KAZN: variants seen among roughly 807,000 people sequenced by gnomAD.
KAZN encodes the protein kazrin.
KAZN carries 40 observed loss-of-function variants against 87.4 expected under a neutral mutation model. The ratio of observed to expected loss-of-function variants is 0.46; its 90% CI spans 0.36 to 0.60. KAZN has a LOEUF of 0.60. Ranked by LOEUF, KAZN falls within the 20% of genes least tolerant of loss-of-function variation. KAZN has a pLI of 0.00. For missense variants in KAZN, 898 were observed against 1,073.9 expected (o/e 0.84, Z 2.29); for synonymous variants, 466 against 458.3 (o/e 1.02, Z -0.22).
chr1:14,659,151 T>C (rs566027499), intron 1 of KAZN, among the ~76,000 whole-genome samples: 4 of 152,198 alleles, frequency 2.6e-5, no homozygotes, highest in African/African-American at 9.6e-5. Context: ...AGCACAAGAA[T>C]TGCTTGAACC....
chr1:14,079,406 G>A (rs539228546), intron 1 of KAZN, among the ~76,000 whole-genome samples: 4 of 152,276 alleles, frequency 2.6e-5, no homozygotes, highest in South Asian at 2.1e-4. Flanking sequence ...CAGAACTCAC[G>A]TCAGAATCAT....
chr1:14,623,289 TA>T (rs965712788), intron 1 of KAZN, among the ~76,000 whole-genome samples: 1 of 152,108 alleles, frequency 6.6e-6, no homozygotes, highest in Non-Finnish European at 1.5e-5. Context: ...TATGCAGGCA[TA>T]AAAAAGAACA....
intron 1 of KAZN, among the ~76,000 whole-genome samples, chr1:14,076,288 A>T (rs763897572): frequency 6.6e-5 from 10 of 152,090 alleles, no homozygotes; most frequent in Non-Finnish European, 1.3e-4. Context: ...CTAAAAAAAA[A>T]AGGGAAAGGT....
At chr1:14,567,671 A>G (rs1674624654) in intron 2 of KAZN, among the ~76,000 whole-genome samples, 1 of 152,216 alleles carries the variant, frequency 6.6e-6, no homozygotes, top group African/African-American at 2.4e-5. Context: ...TAGTACTGTA[A>G]TTATCAAATG....
chr1:14,434,617 G>A (rs1666272441), intron 2 of KAZN, among the ~76,000 whole-genome samples: 1 of 152,182 alleles, frequency 6.6e-6, no homozygotes, highest in Non-Finnish European at 1.5e-5. Context: ...GCCCTGGGGA[G>A]CAGGAAGCAG....
intron 1 of KAZN, among the ~76,000 whole-genome samples, chr1:14,793,394 C>A (rs1645739506): frequency 6.6e-6 from 1 of 152,178 alleles, no homozygotes; most frequent in African/African-American, 2.4e-5. Context: ...GCAGCGCCTA[C>A]TCCATGCAGC....
At chr1:14,668,371 T>G (rs947877098) in intron 1 of KAZN, among the ~76,000 whole-genome samples, 2 of 152,098 alleles carry the variant, frequency 1.3e-5, no homozygotes, top group Admixed American at 6.6e-5. Context: ...TCCAGTCCTA[T>G]GTGAAGTGGC....
At chr1:14,884,215 A>G (rs1454728722) in intron 1 of KAZN, among the ~76,000 whole-genome samples, 1 of 152,110 alleles carries the variant, frequency 6.6e-6, no homozygotes, top group East Asian at 1.9e-4. Flanking sequence ...AACATGGTGG[A>G]ACCCCGTCTC....
intron 1 of KAZN, among the ~76,000 whole-genome samples, chr1:13,902,164 G>C (rs1244928266): frequency 6.6e-6 from 1 of 152,368 alleles, no homozygotes; most frequent in East Asian, 1.9e-4. Context: ...GATAATGGGG[G>C]CTGTTTTTGA....
upstream of KAZN, among the ~76,000 whole-genome samples, chr1:14,595,680 C>CAAAAAAAAAAAAAAAAAAA (rs34080804): frequency 2.1e-5 from 2 of 96,694 alleles, no homozygotes; most frequent in African/African-American, 9.0e-5. Context: ...GACTGCGTCT[C>CAAAAAAAAAAAAAAAAAAA]AAAAAAAAAA....
intron 2 of KAZN, among the ~76,000 whole-genome samples, chr1:14,217,314 TAATA>T (rs1450484476): frequency 2.6e-5 from 4 of 151,740 alleles, no homozygotes; most frequent in African/African-American, 9.7e-5. Flanking sequence ...ATTTAAAAAA[TAATA>T]AAGAGTAAAA....
intron 2 of KAZN, among the ~76,000 whole-genome samples, chr1:14,986,361 G>A (rs779140851): frequency 8.5e-5 from 13 of 152,148 alleles, no homozygotes; most frequent in African/African-American, 2.4e-4. Context: ...CCACCTCACC[G>A]TTATGTGCCT....
intron 10 of KAZN, among the ~76,000 whole-genome samples, chr1:15,097,266 T>C (rs1640845072): frequency 1.3e-5 from 2 of 152,154 alleles, no homozygotes; most frequent in African/African-American, 4.8e-5. Flanking sequence ...TGGGTGGGAC[T>C]CTCTGGCCCA....
intron 2 of KAZN, among the ~76,000 whole-genome samples, chr1:14,410,463 T>C (rs989810123): frequency 6.6e-6 from 1 of 152,156 alleles, no homozygotes; most frequent in Non-Finnish European, 1.5e-5. Context: ...AGAGTTGTTA[T>C]GGCTGGGAAT....
chr1:14,624,355 G>A (rs1446248972), intron 1 of KAZN, among the ~76,000 whole-genome samples: 1 of 151,810 alleles, frequency 6.6e-6, no homozygotes, highest in Non-Finnish European at 1.5e-5. Flanking sequence ...CCGGGAGGCG[G>A]AGGTTGCAGT....
upstream of KAZN, among the ~76,000 whole-genome samples, chr1:14,597,241 G>A (rs1266163788): frequency 2.6e-5 from 4 of 152,194 alleles, no homozygotes; most frequent in Non-Finnish European, 4.4e-5. Context: ...TGAGCAGAGC[G>A]GACAGAGTGA....
intron 1 of KAZN, among the ~76,000 whole-genome samples, chr1:14,891,922 G>A (rs1654762228): frequency 1.3e-5 from 2 of 152,072 alleles, no homozygotes; most frequent in East Asian, 1.9e-4. Context: ...TCCGTTAGTC[G>A]GCTCTGATTA....
intron 2 of KAZN, among the ~76,000 whole-genome samples, chr1:14,258,390 ATTTTTT>A (rs760768355): frequency 1.6e-5 from 2 of 125,532 alleles, no homozygotes; most frequent in Non-Finnish European, 3.3e-5. Context: ...TAAATTTTGT[ATTTTTT>A]TTTTTTTTTT....
intron 8 of KAZN, among the ~76,000 whole-genome samples, chr1:15,087,582 A>T (rs921947976): frequency 2.6e-5 from 4 of 151,958 alleles, no homozygotes; most frequent in African/African-American, 9.7e-5. Context: ...TTTAGTAGAG[A>T]CGGGGTTTCA....
Sources: gnomAD v4.1 joint callset for allele counts (sites outside exome capture counted in the v4.1 genomes callset) on GRCh38, gnomAD v4.1.1 for gene constraint, MANE v1.5 for transcripts, NCBI Gene and HGNC (gene_info 2026-07-23, HGNC 2026-07-21) for gene names.